The following SOCS5 variants were observed in gnomAD, a reference collection of about 807,000 sequenced individuals.
The protein encoded by SOCS5 is CIS-6.
SOCS5 carries 32 observed loss-of-function variants against 42.8 expected under a neutral mutation model. The ratio of observed to expected loss-of-function variants is 0.75; its 90% CI spans 0.56 to 1.01. The LOEUF (loss-of-function observed/expected upper bound fraction) is 1.01. Ranked by LOEUF, SOCS5 falls within the 50% of genes least tolerant of loss-of-function variation. The pLI, the probability that SOCS5 is intolerant of heterozygous loss-of-function variation, is 0.00. For missense variants in SOCS5, 627 were observed against 653.0 expected (o/e 0.96, Z 0.43); for synonymous variants, 283 against 229.6 (o/e 1.23, Z -2.10).
intron 1 of SOCS5, among the ~76,000 whole-genome samples, chr2:46,721,152 T>C (rs1558403289): frequency 6.6e-6 from 1 of 152,200 alleles, no homozygotes; most frequent in Non-Finnish European, 1.5e-5. Flanking sequence ...CTCTCTACTT[T>C]AAATGAATTT....
intron 1 of SOCS5, among the ~76,000 whole-genome samples, chr2:46,720,355 A>G (rs1177859891): frequency 1.3e-5 from 2 of 152,192 alleles, no homozygotes; most frequent in East Asian, 1.9e-4. Context: ...ACATTACTTC[A>G]TTTACAAGAA....
intron 1 of SOCS5, among the ~76,000 whole-genome samples, chr2:46,743,225 C>T (rs569861641): frequency 1.3e-5 from 2 of 151,938 alleles, no homozygotes; most frequent in South Asian, 2.1e-4. Flanking sequence ...TTGAGTCTTG[C>T]GCAAGAAAGA....
rs1260023531 is a variant in SOCS5 at position 46,759,939 on chromosome 2, C to G, written c.1409C>G (p.Pro470Arg). 1.9e-6 allele frequency: 3 copies of G among 1,613,974 alleles called. No individual in the cohort carries two copies. The highest frequency in any genetic ancestry group is 1.7e-6 in the Non-Finnish European group (2 of 1,179,996). Reference sequence around the variant, plus strand: ...CCCAGTTCGTGCATGTTTTTTGAACCATTGCTTACTATATCACTAAATAGG... The same window carrying G: ...CCCAGTTCGTGCATGTTTTTTGAACGATTGCTTACTATATCACTAAATAGG... ...KDPSSCMFFE[P>R]LLTISLNRTF... The change falls in exon 2 of 2, where the codon CCA becomes CGA. Residue 470 changes from proline (P) to arginine (R), a missense_variant. Pro to Arg is a moderately radical substitution (Grantham distance 103). Coordinates refer to ENST00000394861, the MANE Select transcript of SOCS5 (RefSeq NM_144949.3).
chr2:46,712,336 CTTTTTTTTTTTT>C (rs70940636), intron 1 of SOCS5, among the ~76,000 whole-genome samples: 2 of 64,954 alleles, frequency 3.1e-5, no homozygotes, highest in Non-Finnish European at 5.2e-5. Flanking sequence ...GGATGTTTAG[CTTTTTTTTTTTT>C]TTTTTTTTTT....
At chr2:46,750,832 A>G (rs1487555739) in intron 1 of SOCS5, among the ~76,000 whole-genome samples, 1 of 152,170 alleles carries the variant, frequency 6.6e-6, no homozygotes, top group Admixed American at 6.5e-5. Flanking sequence ...TCTTTTGAGT[A>G]TGCATGTGCT....
chr2:46,719,586 G>A (rs550108435), intron 1 of SOCS5, among the ~76,000 whole-genome samples: 114 of 152,148 alleles, frequency 7.5e-4, no homozygotes, highest in East Asian at 1.3e-3. Context: ...CATAGTCTTC[G>A]TTTTCTCAGT....
intron 1 of SOCS5, among the ~76,000 whole-genome samples, chr2:46,702,661 G>C (rs772364324): frequency 5.1e-4 from 78 of 152,172 alleles, no homozygotes; most frequent in Non-Finnish European, 8.5e-4. Context: ...ATATTTTGAT[G>C]ACTTCATTCA....
At chr2:46,741,046 T>G (rs1236395831) in intron 1 of SOCS5, among the ~76,000 whole-genome samples, 1 of 152,208 alleles carries the variant, frequency 6.6e-6, no homozygotes, top group East Asian at 1.9e-4. Flanking sequence ...GACCTGTATT[T>G]GCGATTCCTT....
chr2:46,726,366 A>G (rs112478009), intron 1 of SOCS5, among the ~76,000 whole-genome samples: 20,221 of 152,082 alleles, frequency 0.13, 1,450 homozygotes, highest in Non-Finnish European at 0.16. Context: ...AAAGTGCTGG[A>G]ATTACAAGGC....
intron 1 of SOCS5, among the ~76,000 whole-genome samples, chr2:46,743,426 C>T (rs1445388514): frequency 6.6e-6 from 1 of 152,136 alleles, no homozygotes; most frequent in Non-Finnish European, 1.5e-5. Context: ...GGGTAACTTC[C>T]TGACATTGCC....
chr2:46,721,241 A>G (rs1259008244), intron 1 of SOCS5, among the ~76,000 whole-genome samples: 3 of 152,072 alleles, frequency 2.0e-5, no homozygotes, highest in South Asian at 2.1e-4. Flanking sequence ...GTTATTCCCT[A>G]ACTGTACTCC....
At position 46,741,980 on chromosome 2, in the gene SOCS5, G is replaced by A. The variant is rs926630084; in HGVS notation, c.-12-16539G>A. 3.9e-5 allele frequency among the ~76,000 whole-genome samples: 6 copies of A among 152,102 alleles called. No homozygotes were observed. In the South Asian group the frequency reaches 6.2e-4, roughly 16 times the overall value. ...TAATATACAATTTCCTTTCTGAAAC[G>A]TCATGTGGATCTATGTTCTCACATT... On this transcript the variant is annotated intron_variant, in intron 1 of 1. Transcript: ENST00000394861.
At chr2:46,733,585 A>G (rs956222642) in intron 1 of SOCS5, among the ~76,000 whole-genome samples, 1 of 151,432 alleles carries the variant, frequency 6.6e-6, no homozygotes, top group South Asian at 2.1e-4. Context: ...AAAAAAGAAA[A>G]AAAAAAAAAA....
At chr2:46,737,061 A>G (rs1056782001) in intron 1 of SOCS5, among the ~76,000 whole-genome samples, 6 of 152,134 alleles carry the variant, frequency 3.9e-5, no homozygotes, top group Non-Finnish European at 5.9e-5. Flanking sequence ...ACACTCACCT[A>G]TATTAAGAAC....
chr2:46,747,365 C>T lies in SOCS5; in HGVS notation c.-12-11154C>T, dbSNP rs577563200. Among the ~76,000 whole-genome samples, 22 of 152,036 alleles carry T rather than the reference C, an allele frequency of 1.4e-4. No homozygotes were observed. In the South Asian group the frequency reaches 1.9e-3, roughly 13 times the overall value. On this transcript the variant is annotated intron_variant, in intron 1 of 1. Coordinates refer to ENST00000394861, the MANE Select transcript of SOCS5 (RefSeq NM_144949.3). ...CCTCCAGAGTAACTGGAACCACAGG[C>T]GCACACCACCATACCTGGCTAACTT...
At chr2:46,740,439 T>A (rs1258712809) in intron 1 of SOCS5, among the ~76,000 whole-genome samples, 1 of 152,226 alleles carries the variant, frequency 6.6e-6, no homozygotes, top group Non-Finnish European at 1.5e-5. Flanking sequence ...GAGTACTGGT[T>A]ACTGTAAGGA....
chr2:46,749,755 G>A (rs1212241358), intron 1 of SOCS5, among the ~76,000 whole-genome samples: 1 of 152,134 alleles, frequency 6.6e-6, no homozygotes, highest in Non-Finnish European at 1.5e-5. Flanking sequence ...GAGCTGTAGA[G>A]TCAATGGCTT....
At chr2:46,730,171 A>T (rs1222712076) in intron 1 of SOCS5, among the ~76,000 whole-genome samples, 1 of 152,238 alleles carries the variant, frequency 6.6e-6, no homozygotes, top group East Asian at 1.9e-4. Context: ...AATCAATCTT[A>T]GATACGGATT....
intron 1 of SOCS5, among the ~76,000 whole-genome samples, chr2:46,710,266 C>T (rs1489372091): frequency 6.6e-6 from 1 of 152,168 alleles, no homozygotes; most frequent in Non-Finnish European, 1.5e-5. Flanking sequence ...CCTGCCTCAG[C>T]CTCCTGAGTA....
Sources: gnomAD v4.1 joint callset for allele counts (sites outside exome capture counted in the v4.1 genomes callset) on GRCh38, gnomAD v4.1.1 for gene constraint, MANE v1.5 for transcripts, NCBI Gene and HGNC (gene_info 2026-07-23, HGNC 2026-07-21) for gene names.